The following SRGAP2C variants were observed in gnomAD, a reference collection of about 807,000 sequenced individuals.
SRGAP2C encodes SLIT-ROBO Rho GTPase activating protein 2C, also known as SLIT-ROBO Rho GTPase-activating protein 2C.
SRGAP2C carries 15 observed loss-of-function variants against 25.1 expected under a neutral mutation model. The observed-to-expected ratio is 0.60, with a 90% confidence interval of 0.40 to 0.92. SRGAP2C has a LOEUF of 0.92. SRGAP2C is among the 40% of genes least tolerant of loss of function. SRGAP2C has a pLI of 0.00. For synonymous variants in SRGAP2C, 44 were observed against 96.6 expected (o/e 0.46, Z 3.19); for missense variants, 144 against 264.4 (o/e 0.54, Z 3.16).
chr1:121,375,877 G>C (rs1207211076), intron 7 of SRGAP2C, among the ~76,000 whole-genome samples: 1 of 151,112 alleles, frequency 6.6e-6, no homozygotes, highest in Non-Finnish European at 1.5e-5. Context: ...TGCAAATTAG[G>C]GTCCTGTCAG....
chr1:121,201,605 A>G (rs1351194239), intron 2 of SRGAP2C, among the ~76,000 whole-genome samples: 5 of 152,278 alleles, frequency 3.3e-5, no homozygotes, highest in African/African-American at 9.6e-5. Context: ...GCACGCACAC[A>G]AACACCATAC....
At chr1:121,236,639 T>A (rs1655967103) in intron 2 of SRGAP2C, among the ~76,000 whole-genome samples, 2 of 152,158 alleles carry the variant, frequency 1.3e-5, no homozygotes, top group Non-Finnish European at 2.9e-5. Flanking sequence ...TCCTGGGTTC[T>A]AAAGAATCCA....
chr1:121,255,309 T>C (rs1656432327), intron 2 of SRGAP2C, among the ~76,000 whole-genome samples: 1 of 151,498 alleles, frequency 6.6e-6, no homozygotes, highest in Non-Finnish European at 1.5e-5. Context: ...AGATGAGAAT[T>C]TATGGGTTGA....
At chr1:121,346,919 C>G (rs587687288) in intron 4 of SRGAP2C, among the ~76,000 whole-genome samples, 1 of 152,154 alleles carries the variant, frequency 6.6e-6, no homozygotes, top group African/African-American at 2.4e-5. Flanking sequence ...ATGCCCTCCT[C>G]AAATGCATTT....
At chr1:121,366,322 T>C (rs1422201715) in intron 5 of SRGAP2C, among the ~76,000 whole-genome samples, 2 of 120,424 alleles carry the variant, frequency 1.7e-5, no homozygotes, top group Non-Finnish European at 3.6e-5. Flanking sequence ...CAGGCAGTGA[T>C]GACATGCATG....
At chr1:121,287,863 C>T (rs1173237542) in intron 3 of SRGAP2C, among the ~76,000 whole-genome samples, 109 of 151,718 alleles carry the variant, frequency 7.2e-4, no homozygotes, top group Non-Finnish European at 1.3e-3. Context: ...TAAGGCAGCG[C>T]GTCTGGAGTT....
rs139929630 is a variant in SRGAP2C, at chr1:121,258,566, A to G, written c.68-26237A>G. Among the ~76,000 whole-genome samples, 816 of 151,368 alleles carry G rather than the reference A, an allele frequency of 5.4e-3. 13 individuals carry two copies. Among genetic ancestry groups the G allele is most frequent in the African/African-American group, 0.018 (759 of 41,202 alleles). ...CGGCAACCTCTGCCTCCTGGGTTCA[A>G]GAGATTCTCCTGCATCAGCCTCCTG... On this transcript the variant is annotated intron_variant, in intron 2 of 9. Coordinates refer to ENST00000367123, the MANE Select transcript of SRGAP2C (RefSeq NM_001329984.2).
At chr1:121,200,093 C>A (rs1437505660) in intron 2 of SRGAP2C, among the ~76,000 whole-genome samples, 4 of 150,436 alleles carry the variant, frequency 2.7e-5, no homozygotes, top group Non-Finnish European at 4.4e-5. Context: ...ACTTGATGGG[C>A]CTACAGGTGA....
At position 121,372,879 on chromosome 1, in the gene SRGAP2C, G is replaced by GCACA. The variant is rs199523525; in HGVS notation, c.487-1069_487-1066dup. On this transcript the variant is annotated intron_variant, in intron 5 of 9. Transcript: ENST00000367123. ...GCACTCCTGTGTTACACACACACAT[G>GCACA]CACACACACACACACACACACACAC... 2.1e-4 allele frequency among the ~76,000 whole-genome samples: 13 copies of GCACA among 63,198 alleles called. 3 individuals carry two copies. In the East Asian group the frequency reaches 2.5e-3, roughly 12 times the overall value. 41.5% of individuals were successfully genotyped at this position (63,198 alleles called of 152,430 possible).
chr1:121,353,467 G>A (rs1471603395), intron 4 of SRGAP2C, among the ~76,000 whole-genome samples: 1 of 146,440 alleles, frequency 6.8e-6, no homozygotes, highest in Non-Finnish European at 1.5e-5. Flanking sequence ...ACAGGCATGA[G>A]CCACCACACC....
intron 2 of SRGAP2C, among the ~76,000 whole-genome samples, chr1:121,224,865 G>C (rs587650765): frequency 6.7e-6 from 1 of 150,354 alleles, no homozygotes; most frequent in African/African-American, 2.5e-5. Flanking sequence ...TGTGTACACA[G>C]CAGCATGAAT....
intron 2 of SRGAP2C, among the ~76,000 whole-genome samples, chr1:121,232,721 C>T (rs1475280177): frequency 6.6e-6 from 1 of 152,142 alleles, no homozygotes; most frequent in Non-Finnish European, 1.5e-5. Context: ...TTCCAGATAG[C>T]CATTTTTGGG....
intron 7 of SRGAP2C, among the ~76,000 whole-genome samples, chr1:121,375,796 C>T (rs1553353021): frequency 6.6e-6 from 1 of 151,812 alleles, no homozygotes; most frequent in Non-Finnish European, 1.5e-5. Flanking sequence ...GTAAGCATTG[C>T]TGTCTCCAGT....
intron 3 of SRGAP2C, among the ~76,000 whole-genome samples, chr1:121,287,690 C>G (rs1354794524): frequency 6.6e-6 from 1 of 152,206 alleles, no homozygotes; most frequent in Non-Finnish European, 1.5e-5. Context: ...AAGAATGAGG[C>G]CGCGGACCCT....
intron 2 of SRGAP2C, among the ~76,000 whole-genome samples, chr1:121,265,267 T>C (rs1656744509): frequency 7.8e-6 from 1 of 127,732 alleles, no homozygotes. Flanking sequence ...ATTTAAAAAA[T>C]AATGTCATTA....
At position 121,196,343 on chromosome 1, in the gene SRGAP2C, G is replaced by A. The variant is rs587682936; in HGVS notation, c.67+8830G>A. ...TCTCACCTTTCTGGTAAAGCCCAAC[G>A]TTTCTGGGATTGCTTCCTTAATTGC... is the stretch of plus-strand genomic sequence containing the variant. On this transcript the variant is annotated intron_variant, in intron 2 of 9. Coordinates refer to ENST00000367123, the MANE Select transcript of SRGAP2C (RefSeq NM_001329984.2). Among the ~76,000 whole-genome samples the A allele has an allele frequency of 1.6e-4, 12 of 76,772 alleles. 4 individuals carry two copies. The highest frequency in any genetic ancestry group is 9.4e-4 in the South Asian group (3 of 3,176). 50.4% of individuals were successfully genotyped at this position (76,772 alleles called of 152,430 possible).
intron 4 of SRGAP2C, among the ~76,000 whole-genome samples, chr1:121,338,521 G>T (rs1658570783): frequency 1.7e-5 from 2 of 119,904 alleles, no homozygotes; most frequent in African/African-American, 3.2e-5. Flanking sequence ...ACCTTTCTTT[G>T]CTTTTAAGCC....
At chr1:121,249,585 T>A (rs1285524040) in intron 2 of SRGAP2C, among the ~76,000 whole-genome samples, 23 of 49,894 alleles carry the variant, frequency 4.6e-4, no homozygotes, top group African/African-American at 8.4e-4. Context: ...TATATATTTT[T>A]TTTTTTTTTT....
At chr1:121,212,539 GC>G (rs1655292586) in intron 2 of SRGAP2C, among the ~76,000 whole-genome samples, 1 of 150,614 alleles carries the variant, frequency 6.6e-6, no homozygotes, top group Non-Finnish European at 1.5e-5. Context: ...GATATGTAAT[GC>G]CTTTCTAAAG....
Sources: gnomAD v4.1 joint callset for allele counts (sites outside exome capture counted in the v4.1 genomes callset) on GRCh38, gnomAD v4.1.1 for gene constraint, MANE v1.5 for transcripts, NCBI Gene and HGNC (gene_info 2026-07-23, HGNC 2026-07-21) for gene names.